Variants in TAB2 observed in about 807,000 individuals in gnomAD.
TAB2 encodes TGF-beta-activated kinase 1 and MAP3K7-binding protein 2.
In TAB2, 3 loss-of-function variants were observed where a neutral mutation model predicts 65.0. The observed-to-expected ratio is 0.05, with a 90% CI of 0.02 to 0.12. The LOEUF (loss-of-function observed/expected upper bound fraction) is 0.12. Ranked by LOEUF, TAB2 falls within the 10% of genes least tolerant of loss-of-function variation. The probability of loss-of-function intolerance (pLI) is 1.00; values close to 1 mark genes in which losing one functional copy is unlikely to be tolerated. For synonymous variants in TAB2, 298 were observed against 285.1 expected (o/e 1.05, Z -0.46); for missense variants, 623 against 840.3 (o/e 0.74, Z 3.20).
At chr6:149,374,006 T>G (rs1384905297) in intron 2 of TAB2, among the ~76,000 whole-genome samples, 1 of 152,164 alleles carries the variant, frequency 6.6e-6, no homozygotes, top group Admixed American at 6.5e-5. Flanking sequence ...CCAAAACTGA[T>G]TGAAACACAT....
At chr6:149,380,488 G>T (rs1781570905) in intron 3 of TAB2, among the ~76,000 whole-genome samples, 2 of 151,756 alleles carry the variant, frequency 1.3e-5, no homozygotes, top group Non-Finnish European at 2.9e-5. Flanking sequence ...TTTGATATTG[G>T]CATACTACAT....
intron 1 of TAB2, among the ~76,000 whole-genome samples, chr6:149,239,781 G>A (rs926790077): frequency 2.0e-5 from 3 of 152,194 alleles, no homozygotes; most frequent in Non-Finnish European, 4.4e-5. Context: ...ATATGTGCCA[G>A]ACACTGAGCC....
intron 1 of TAB2, among the ~76,000 whole-genome samples, chr6:149,346,919 T>C (rs1001025417): frequency 2.0e-5 from 3 of 152,220 alleles, no homozygotes; most frequent in African/African-American, 7.2e-5. Context: ...TTATTCTCTT[T>C]TCTCCTCTTT....
At chr6:149,262,463 GCGGAGGTTGCAGT>G (rs1778174577) in intron 1 of TAB2, among the ~76,000 whole-genome samples, 1 of 152,072 alleles carries the variant, frequency 6.6e-6, no homozygotes, top group African/African-American at 2.4e-5. Context: ...AACCCAGGAG[GCGGAGGTTGCAGT>G]GAGCCAAGAT....
intron 1 of TAB2, among the ~76,000 whole-genome samples, chr6:149,276,370 T>G (rs1778474162): frequency 6.6e-6 from 1 of 152,186 alleles, no homozygotes; most frequent in African/African-American, 2.4e-5. Flanking sequence ...AAGCCCAAAA[T>G]GTTATCCAGG....
chr6:149,368,100 C>T (rs1258942870), intron 1 of TAB2, among the ~76,000 whole-genome samples: 1 of 152,010 alleles, frequency 6.6e-6, no homozygotes, highest in East Asian at 1.9e-4. Flanking sequence ...TGAACTCTAC[C>T]AGCCACCAAC....
intron 1 of TAB2, among the ~76,000 whole-genome samples, chr6:149,297,154 G>A (rs1778890666): frequency 1.3e-5 from 2 of 151,130 alleles, no homozygotes; most frequent in South Asian, 2.1e-4. Context: ...TTGATGGTTA[G>A]ACACGGACAC....
At chr6:149,224,488 G>A (rs192720588) in intron 1 of TAB2, among the ~76,000 whole-genome samples, 1 of 152,280 alleles carries the variant, frequency 6.6e-6, no homozygotes, top group African/African-American at 2.4e-5. Flanking sequence ...CTCCTGGGCT[G>A]AACTCTGAAA....
chr6:149,409,610 A>G lies in TAB2; in HGVS notation c.1973A>G (p.Gln658Arg). ...QRSIIKTPKT[Q>R]DTEDDEGAQW... The stretch of plus-strand genomic sequence containing the variant: ...TCCATCATCAAAACACCAAAGACTC[A>G]AGACACAGAAGATGATGAGGGAGCT... Residue 658 changes from glutamine (Q) to arginine (R), a missense_variant, in exon 7 of 7, where the codon CAA becomes CGA. By Grantham distance (43) the Gln-to-Arg change is conservative. Around this residue, in one of 3 missense-constraint regions of TAB2, gnomAD observed 56 missense variants for 130.3 expected, o/e 0.43. Transcript: ENST00000637181. 1 of 1,613,988 alleles carries G rather than the reference A, an allele frequency of 6.2e-7. No individual in the cohort carries two copies. The highest frequency in any genetic ancestry group is 8.5e-7 in the Non-Finnish European group (1 of 1,179,804).
At chr6:149,357,066 C>T (rs1374875896) in intron 1 of TAB2, among the ~76,000 whole-genome samples, 2 of 152,112 alleles carry the variant, frequency 1.3e-5, no homozygotes, top group African/African-American at 2.4e-5. Context: ...GAAATAACCA[C>T]GTCTTTATTA....
chr6:149,328,698 C>A (rs757868831), intron 1 of TAB2, among the ~76,000 whole-genome samples: 1 of 152,184 alleles, frequency 6.6e-6, no homozygotes. Flanking sequence ...ATGTAAGATA[C>A]AGTTCTTGTC....
chr6:149,241,866 C>T lies in TAB2; in HGVS notation c.-121+23090C>T, dbSNP rs1272136827. Among the ~76,000 whole-genome samples, 3 of 152,150 alleles carry T rather than the reference C, an allele frequency of 2.0e-5. No homozygotes were observed. In the East Asian group the frequency reaches 5.8e-4, roughly 29 times the overall value. On this transcript the variant is annotated intron_variant, in intron 1 of 1. Transcript: ENST00000606202. ...TAGAAAGAATTGGGGAAGAAGTGAACTGGACCTGAAGCCCACTCTCAGCCT... is the reference window on the plus strand; with the variant it reads ...TAGAAAGAATTGGGGAAGAAGTGAATTGGACCTGAAGCCCACTCTCAGCCT...
rs759997208 is a variant in TAB2 at position 149,410,548 on chromosome 6, G to C, written c.*829G>C. Reference sequence around the variant, plus strand: ...CCTTAAAATAAAAAAGCATTAATGAGATGAAAGTATGCACAGAATAACTTT... The same window carrying C: ...CCTTAAAATAAAAAAGCATTAATGACATGAAAGTATGCACAGAATAACTTT... On this transcript the variant is annotated 3_prime_UTR_variant, in exon 7 of 7. Coordinates refer to ENST00000637181, the MANE Select transcript of TAB2 (RefSeq NM_001292034.3). The C allele has an allele frequency of 1.3e-5, 2 of 152,628 alleles. No individual in the cohort carries two copies. The highest frequency in any genetic ancestry group is 2.1e-4 in the South Asian group (1 of 4,832). The allele number at this position is 152,628 out of a possible 1,614,324, so 9.5% of individuals were successfully genotyped here.
At chr6:149,380,401 A>T (rs1781568816) in intron 3 of TAB2, among the ~76,000 whole-genome samples, 1 of 152,182 alleles carries the variant, frequency 6.6e-6, no homozygotes, top group Admixed American at 6.5e-5. Context: ...GTTGGTTAAT[A>T]TATTTCTTTT....
chr6:149,349,372 A>G (rs555645660), intron 1 of TAB2, among the ~76,000 whole-genome samples: 2 of 150,574 alleles, frequency 1.3e-5, no homozygotes, highest in South Asian at 4.2e-4. Flanking sequence ...ATGAGCCGAG[A>G]TCACTCCACT....
chr6:149,377,914 T>C (rs1781457264), intron 2 of TAB2, 104 bp from the exon 3 acceptor site: 3 of 857,100 alleles, frequency 3.5e-6, no homozygotes, highest in African/African-American at 1.7e-5. Flanking sequence ...ATATATGTTA[T>C]AATTGTATTA....
intron 1 of TAB2, among the ~76,000 whole-genome samples, chr6:149,305,858 C>G (rs974813602): frequency 6.6e-6 from 1 of 152,186 alleles, no homozygotes; most frequent in African/African-American, 2.4e-5. Flanking sequence ...AGCATTTCCA[C>G]ATTTGTTTTG....
chr6:149,347,941 G>A (rs1354958304), intron 1 of TAB2, among the ~76,000 whole-genome samples: 2 of 152,078 alleles, frequency 1.3e-5, no homozygotes, highest in Non-Finnish European at 2.9e-5. Flanking sequence ...AGGTCAAAAG[G>A]TTTTAAAATT....
At chr6:149,395,407 G>C (rs765091547) in intron 3 of TAB2, among the ~76,000 whole-genome samples, 5 of 151,876 alleles carry the variant, frequency 3.3e-5, no homozygotes, top group Non-Finnish European at 7.4e-5. Context: ...CTGCTATCTA[G>C]GTTTAATTAA....
Sources: gnomAD v4.1 joint callset for allele counts (sites outside exome capture counted in the v4.1 genomes callset) on GRCh38, gnomAD v4.1.1 for gene constraint, gnomAD v4.1.1 regional missense constraint, MANE v1.5 for transcripts, NCBI Gene and HGNC (gene_info 2026-07-23, HGNC 2026-07-21) for gene names.